GPC6: variants seen among roughly 807,000 people sequenced by gnomAD.
The protein encoded by GPC6 is glypican 6, also known as glypican-6.
In GPC6, 14 loss-of-function variants were observed where a neutral mutation model predicts 55.2. The observed-to-expected ratio is 0.25, with a 90% CI of 0.17 to 0.40. The LOEUF is 0.40. Among genes scored for constraint, GPC6 ranks in the 10% least tolerant of loss-of-function variants. The pLI is 1.00. For synonymous variants in GPC6, 278 were observed against 259.6 expected (o/e 1.07, Z -0.68); for missense variants, 641 against 708.5 (o/e 0.90, Z 1.08).
intron 2 of GPC6, among the ~76,000 whole-genome samples, chr13:93,764,268 T>C (rs1264541873): frequency 6.6e-6 from 1 of 152,056 alleles, no homozygotes; most frequent in African/African-American, 2.4e-5. Flanking sequence ...TCCTACAAAA[T>C]GCTACCTTTC....
At chr13:93,499,491 C>T (rs1024537713) in intron 1 of GPC6, among the ~76,000 whole-genome samples, 9 of 152,148 alleles carry the variant, frequency 5.9e-5, no homozygotes, top group South Asian at 2.1e-4. Context: ...CATCTCTAAG[C>T]GTGTCCTGGA....
chr13:94,206,569 A>G (rs1441965193), intron 4 of GPC6, among the ~76,000 whole-genome samples: 2 of 152,168 alleles, frequency 1.3e-5, no homozygotes, highest in Non-Finnish European at 2.9e-5. Flanking sequence ...AATAGCAAAT[A>G]AGAGCCAGGC....
At chr13:93,271,571 C>T (rs183586107) in intron 1 of GPC6, among the ~76,000 whole-genome samples, 1 of 151,960 alleles carries the variant, frequency 6.6e-6, no homozygotes, top group East Asian at 1.9e-4. Flanking sequence ...AAACATATGA[C>T]TGGAAAGGGA....
intron 7 of GPC6, among the ~76,000 whole-genome samples, chr13:94,391,245 T>C (rs1880632078): frequency 6.6e-6 from 1 of 152,240 alleles, no homozygotes; most frequent in African/African-American, 2.4e-5. Flanking sequence ...GCTACCGTCA[T>C]CCACTCACAA....
chr13:94,385,924 G>T (rs1880382156), intron 7 of GPC6, among the ~76,000 whole-genome samples: 1 of 152,030 alleles, frequency 6.6e-6, no homozygotes, highest in Non-Finnish European at 1.5e-5. Flanking sequence ...GTTAAAAAAA[G>T]AAAAGAAAAA....
At chr13:93,511,329 T>C (rs910431741) in intron 1 of GPC6, among the ~76,000 whole-genome samples, 1 of 151,812 alleles carries the variant, frequency 6.6e-6, no homozygotes, top group Admixed American at 6.6e-5. Flanking sequence ...TCAGGTCTTA[T>C]ATTTAAGTCT....
At chr13:93,608,486 G>A (rs904402530) in intron 2 of GPC6, among the ~76,000 whole-genome samples, 1 of 152,138 alleles carries the variant, frequency 6.6e-6, no homozygotes, top group Non-Finnish European at 1.5e-5. Context: ...TTTAAGCAAT[G>A]TGTTTCTTAC....
chr13:93,573,875 T>C (rs747001742), intron 2 of GPC6, among the ~76,000 whole-genome samples: 7 of 152,200 alleles, frequency 4.6e-5, no homozygotes, highest in African/African-American at 9.6e-5. Flanking sequence ...ACTGTGGAAA[T>C]TAAACTTAAT....
At chr13:94,189,575 C>T (rs1240783843) in intron 4 of GPC6, among the ~76,000 whole-genome samples, 1 of 152,140 alleles carries the variant, frequency 6.6e-6, no homozygotes, top group Non-Finnish European at 1.5e-5. Context: ...CATAGGACAC[C>T]TCTAGATTGT....
chr13:94,224,910 C>T (rs1890498965), intron 4 of GPC6, among the ~76,000 whole-genome samples: 1 of 152,050 alleles, frequency 6.6e-6, no homozygotes, highest in South Asian at 2.1e-4. Context: ...TCTTCAGGAC[C>T]GTACTGGTAA....
chr13:93,420,967 G>A (rs1876900751), intron 1 of GPC6, among the ~76,000 whole-genome samples: 2 of 152,090 alleles, frequency 1.3e-5, no homozygotes, highest in Admixed American at 1.3e-4. Context: ...ACTACAGGAA[G>A]CCAAGCATGA....
chr13:94,173,976 A>T (rs1888660984), intron 4 of GPC6, among the ~76,000 whole-genome samples: 2 of 152,174 alleles, frequency 1.3e-5, no homozygotes, highest in Non-Finnish European at 2.9e-5. Flanking sequence ...CTTGATTACC[A>T]ACTATGGCAA....
At chr13:93,501,246 C>T (rs1231625319) in intron 1 of GPC6, among the ~76,000 whole-genome samples, 3 of 151,986 alleles carry the variant, frequency 2.0e-5, no homozygotes, top group Non-Finnish European at 4.4e-5. Context: ...AAATCTCACA[C>T]TTCTGGGTAC....
chr13:94,033,541 T>C (rs1883214428), intron 4 of GPC6, among the ~76,000 whole-genome samples: 1 of 152,240 alleles, frequency 6.6e-6, no homozygotes, highest in Non-Finnish European at 1.5e-5. Flanking sequence ...TTGTAAAATG[T>C]ACAGGACTGT....
chr13:94,067,715 A>G (rs938115901), intron 4 of GPC6, among the ~76,000 whole-genome samples: 6 of 152,168 alleles, frequency 3.9e-5, no homozygotes, highest in Non-Finnish European at 8.8e-5. Flanking sequence ...ATATGAAGCA[A>G]ATAATATGTG....
At chr13:94,058,286 T>G (rs939673611) in intron 4 of GPC6, among the ~76,000 whole-genome samples, 1 of 152,204 alleles carries the variant, frequency 6.6e-6, no homozygotes, top group Non-Finnish European at 1.5e-5. Flanking sequence ...ATTTCTGGCC[T>G]TCTATTTTTT....
At chr13:94,263,528 G>T (rs1891710965) in intron 4 of GPC6, among the ~76,000 whole-genome samples, 1 of 152,102 alleles carries the variant, frequency 6.6e-6, no homozygotes, top group African/African-American at 2.4e-5. Flanking sequence ...CAGTAACATG[G>T]TTATCCAAGC....
chr13:93,515,234 C>G (rs1236857570), intron 1 of GPC6, among the ~76,000 whole-genome samples: 1 of 152,102 alleles, frequency 6.6e-6, no homozygotes, highest in Non-Finnish European at 1.5e-5. Context: ...TCTGCTGGCA[C>G]CTGGGTCTTG....
chr13:93,822,660 T>C (rs1887093910), intron 2 of GPC6, among the ~76,000 whole-genome samples: 3 of 147,882 alleles, frequency 2.0e-5, no homozygotes, highest in African/African-American at 7.4e-5. Flanking sequence ...TGTGTTCTCA[T>C]TGTACAACTC....
Sources: allele counts gnomAD v4.1 joint callset (sites outside exome capture counted in the v4.1 genomes callset), GRCh38; gene constraint gnomAD v4.1.1; transcripts MANE v1.5; gene names NCBI Gene and HGNC (gene_info 2026-07-23, HGNC 2026-07-21).